CLMP: variants seen among roughly 807,000 people sequenced by gnomAD.
CLMP encodes CXADR like cell adhesion molecule.
In CLMP, 27 loss-of-function variants were observed where a neutral mutation model predicts 45.2. That is an observed-to-expected ratio of 0.60 (90% CI 0.44 to 0.82). CLMP has a LOEUF of 0.82. Ranked by LOEUF, CLMP falls within the 40% of genes least tolerant of loss-of-function variation. The pLI, the probability that CLMP is intolerant of heterozygous loss-of-function variation, is 0.00. For missense variants in CLMP, 403 were observed against 448.4 expected, an observed-to-expected ratio of 0.90 and a Z score of 0.91; for synonymous variants, 167 against 171.4, an observed-to-expected ratio of 0.97 and a Z score of 0.20.
intron 1 of CLMP, among the ~76,000 whole-genome samples, chr11:123,127,207 C>T (rs112972034): frequency 1.8e-4 from 28 of 152,060 alleles, no homozygotes; most frequent in African/African-American, 5.3e-4. Context: ...CTGCAACCTG[C>T]GCCTCCTGGA....
intron 2 of CLMP, among the ~76,000 whole-genome samples, chr11:123,097,217 A>G (rs921243836): frequency 2.0e-5 from 3 of 148,642 alleles, no homozygotes; most frequent in African/African-American, 5.0e-5. Context: ...TGCAGTGGCT[A>G]TTTACAGGTG....
intron 1 of CLMP, among the ~76,000 whole-genome samples, chr11:123,155,796 C>T (rs1194324806): frequency 6.6e-6 from 1 of 152,122 alleles, no homozygotes; most frequent in African/African-American, 2.4e-5. Context: ...TAGTGTGTGA[C>T]TTCCGAGACT....
At chr11:123,138,583 C>CT (rs1591473731) in intron 1 of CLMP, among the ~76,000 whole-genome samples, 2 of 150,288 alleles carry the variant, frequency 1.3e-5, no homozygotes, top group African/African-American at 4.9e-5. Context: ...AACATCCTCC[C>CT]TGCTCCCACC....
At chr11:123,114,872 C>T (rs1249369133) in intron 1 of CLMP, among the ~76,000 whole-genome samples, 3 of 152,112 alleles carry the variant, frequency 2.0e-5, no homozygotes, top group African/African-American at 4.8e-5. Context: ...TGCCCAAGAT[C>T]GCACAGATTA....
intron 1 of CLMP, among the ~76,000 whole-genome samples, chr11:123,130,903 C>T (rs764560831): frequency 6.9e-4 from 95 of 138,408 alleles, no homozygotes; most frequent in Non-Finnish European, 9.1e-4. Flanking sequence ...AGTGCAGTGG[C>T]GCTATCTCAG....
chr11:123,113,817 A>G (rs918878726), intron 1 of CLMP, among the ~76,000 whole-genome samples: 5 of 152,244 alleles, frequency 3.3e-5, no homozygotes, highest in African/African-American at 7.2e-5. Flanking sequence ...TCACTCCACC[A>G]TTCAGAAATA....
rs1186034165 is a variant in CLMP, at chr11:123,074,721, C to G, written c.802G>C (p.Glu268Gln). 3 of 1,613,990 alleles carry G rather than the reference C, an allele frequency of 1.9e-6. No homozygotes were observed. In the African/African-American group the frequency reaches 4.0e-5, roughly 22 times the overall value. The change falls in exon 6 of 7, where the codon GAG becomes CAG. Residue 268 changes from glutamate (E) to glutamine (Q), a missense_variant. Coordinates refer to ENST00000448775, the MANE Select transcript of CLMP (RefSeq NM_024769.5). ...GTTTACCGAATTTCATTAGGTCTCT[C>G]TTCTTCCTCATATCTTTCTTTGTCT... ...RKDKERYEEE[E>Q]RPNEIREDAE...
intron 2 of CLMP, among the ~76,000 whole-genome samples, chr11:123,094,528 C>G (rs1565380605): frequency 6.6e-6 from 1 of 152,134 alleles, no homozygotes; most frequent in South Asian, 2.1e-4. Context: ...TAAAATGGGC[C>G]CATTAATCCT....
intron 1 of CLMP, among the ~76,000 whole-genome samples, chr11:123,155,292 C>T (rs773189508): frequency 1.3e-5 from 2 of 152,200 alleles, no homozygotes; most frequent in Non-Finnish European, 2.9e-5. Context: ...TGCTTGGCCT[C>T]GGAAGACCTT....
intron 1 of CLMP, among the ~76,000 whole-genome samples, chr11:123,121,901 G>T (rs116013096): frequency 0.022 from 3,390 of 152,020 alleles, 133 homozygotes; most frequent in African/African-American, 0.077. Context: ...GTGCCCTTGC[G>T]TCCGGCTAAT....
intron 2 of CLMP, among the ~76,000 whole-genome samples, chr11:123,087,111 G>A (rs1037022100): frequency 6.6e-6 from 1 of 152,172 alleles, no homozygotes; most frequent in African/African-American, 2.4e-5. Flanking sequence ...GCCGAGGTGG[G>A]CAGATCACCT....
Position 123,107,652 on chromosome 11 carries a change from A to G in CLMP, c.29-9700T>C, listed in dbSNP as rs1591460910. On this transcript the variant is annotated intron_variant, in intron 1 of 6. Coordinates refer to ENST00000448775, the MANE Select transcript of CLMP (RefSeq NM_024769.5). Reference sequence around the variant, plus strand: ...CTCTGAAAGTGCTGGGATCACAGGCATGGGCCACCACCGTGTTGCATTTTG... The same window carrying G: ...CTCTGAAAGTGCTGGGATCACAGGCGTGGGCCACCACCGTGTTGCATTTTG... 4.0e-5 allele frequency among the ~76,000 whole-genome samples: 6 copies of G among 151,394 alleles called. No individual in the cohort carries two copies. In the Admixed American group the frequency reaches 4.0e-4, roughly 10 times the overall value.
intron 1 of CLMP, among the ~76,000 whole-genome samples, chr11:123,131,962 G>A (rs955093449): frequency 1.3e-5 from 2 of 152,118 alleles, no homozygotes; most frequent in Non-Finnish European, 2.9e-5. Context: ...TATAAAATGA[G>A]CCATCTTTTC....
intron 1 of CLMP, chr11:123,136,147 A>ACTTTCTTG (rs1297036201): frequency 1.6e-6 from 1 of 627,852 alleles, no homozygotes; most frequent in Non-Finnish European, 3.1e-6. Context: ...GAAAGTCACC[A>ACTTTCTTG]CCTACTGCAG....
At chr11:123,160,206 G>T (rs1303172876) in intron 1 of CLMP, among the ~76,000 whole-genome samples, 1 of 147,774 alleles carries the variant, frequency 6.8e-6, no homozygotes, top group Non-Finnish European at 1.5e-5. Flanking sequence ...CTTGAACCCG[G>T]GAGGCAAAGG....
At chr11:123,076,765 G>GTAACACAATC (rs1865745208) in intron 5 of CLMP, among the ~76,000 whole-genome samples, 1 of 152,120 alleles carries the variant, frequency 6.6e-6, no homozygotes, top group Non-Finnish European at 1.5e-5. Flanking sequence ...CAATAAAAGA[G>GTAACACAATC]TAACACAATC....
At chr11:123,102,852 C>T (rs1860474107) in intron 1 of CLMP, among the ~76,000 whole-genome samples, 1 of 151,902 alleles carries the variant, frequency 6.6e-6, no homozygotes. Flanking sequence ...CTACCACGCC[C>T]AGCCTCCTCC....
chr11:123,170,006 A>G (rs1861608502), intron 1 of CLMP, among the ~76,000 whole-genome samples: 1 of 152,224 alleles, frequency 6.6e-6, no homozygotes, highest in Admixed American at 6.5e-5. Flanking sequence ...ACGGCTTCAG[A>G]GACAATTGAT....
intron 1 of CLMP, among the ~76,000 whole-genome samples, chr11:123,130,354 G>A (rs888198490): frequency 1.3e-5 from 2 of 152,124 alleles, no homozygotes; most frequent in Non-Finnish European, 2.9e-5. Context: ...GGGAGGTGCT[G>A]GGAAATGGCC....
Sources: gnomAD v4.1 joint callset for allele counts (sites outside exome capture counted in the v4.1 genomes callset) on GRCh38, gnomAD v4.1.1 for gene constraint, MANE v1.5 for transcripts, NCBI Gene and HGNC (gene_info 2026-07-23, HGNC 2026-07-21) for gene names.